Variants in ADARB2 observed in about 807,000 individuals in gnomAD.
ADARB2 encodes inactive double-stranded RNA-specific editase B2.
In ADARB2, 25 loss-of-function variants were observed where a neutral mutation model predicts 62.2. The ratio of observed to expected loss-of-function variants is 0.40; its 90% CI spans 0.29 to 0.56. ADARB2 has a LOEUF of 0.56. Ranked by LOEUF, ADARB2 falls within the 20% of genes least tolerant of loss-of-function variation. The probability of loss-of-function intolerance (pLI) is 0.43; values close to 1 mark genes in which losing one functional copy is unlikely to be tolerated. For missense variants in ADARB2, 1,071 were observed against 1,077.4 expected (o/e 0.99, Z 0.08); for synonymous variants, 572 against 500.8 (o/e 1.14, Z -1.90).
intron 1 of ADARB2, among the ~76,000 whole-genome samples, chr10:1,637,497 C>G (rs1333688483): frequency 6.6e-6 from 1 of 152,166 alleles, no homozygotes; most frequent in South Asian, 2.1e-4. Flanking sequence ...AATGATTACC[C>G]TCAATGCAGA....
Position 1,199,221 on chromosome 10 carries a change from C to G in ADARB2, c.1864+745G>C, listed in dbSNP as rs565365647. On this transcript the variant is annotated intron_variant, in intron 8 of 9. Coordinates refer to ENST00000381312, the MANE Select transcript of ADARB2 (RefSeq NM_018702.4). ...GCGGTGATTCGGAAACCCACCCCCCCGCTTCCCGCTGTTCCTGTGAAAGGC... is the reference window on the plus strand; with the variant it reads ...GCGGTGATTCGGAAACCCACCCCCCGGCTTCCCGCTGTTCCTGTGAAAGGC... 3.9e-5 allele frequency among the ~76,000 whole-genome samples: 6 copies of G among 152,220 alleles called. No individual in the cohort carries two copies. The South Asian group carries it at 6.2e-4, about 16-fold the overall frequency.
At chr10:1,221,308 C>T (rs912700887) in intron 6 of ADARB2, among the ~76,000 whole-genome samples, 1 of 152,074 alleles carries the variant, frequency 6.6e-6, no homozygotes, top group Non-Finnish European at 1.5e-5. Context: ...CTCTTCATTA[C>T]AGTGCTTATT....
At chr10:1,366,496 T>C (rs1832314785) in intron 2 of ADARB2, among the ~76,000 whole-genome samples, 1 of 152,136 alleles carries the variant, frequency 6.6e-6, no homozygotes, top group African/African-American at 2.4e-5. Context: ...GCTTGGCTCA[T>C]GCAGAACCTG....
intron 7 of ADARB2, among the ~76,000 whole-genome samples, chr10:1,212,782 CCCACCG>C (rs1837172644): frequency 2.6e-4 from 39 of 151,116 alleles, no homozygotes; most frequent in South Asian, 1.3e-3. Context: ...CTGAGTCCAC[CCCACCG>C]TGGCAGGCAC....
intron 1 of ADARB2, among the ~76,000 whole-genome samples, chr10:1,563,188 C>T (rs1161965148): frequency 6.6e-6 from 1 of 152,046 alleles, no homozygotes; most frequent in Non-Finnish European, 1.5e-5. Context: ...AGGGTGAGAA[C>T]GTGGTCCCTC....
intron 1 of ADARB2, among the ~76,000 whole-genome samples, chr10:1,638,942 G>A (rs1383481000): frequency 6.6e-6 from 1 of 152,244 alleles, no homozygotes; most frequent in Non-Finnish European, 1.5e-5. Context: ...AGGTGGAGAG[G>A]CTGCCTTGCC....
At chr10:1,469,899 C>A (rs1831299432) in intron 1 of ADARB2, among the ~76,000 whole-genome samples, 1 of 152,224 alleles carries the variant, frequency 6.6e-6, no homozygotes, top group Non-Finnish European at 1.5e-5. Flanking sequence ...ACAATCAGGT[C>A]TTGGAGACAA....
intron 5 of ADARB2, among the ~76,000 whole-genome samples, chr10:1,241,919 G>A (rs921557003): frequency 6.6e-6 from 1 of 152,230 alleles, no homozygotes; most frequent in African/African-American, 2.4e-5. Context: ...TAAGGAGGAA[G>A]CCTGGAATTT....
intron 2 of ADARB2, among the ~76,000 whole-genome samples, chr10:1,364,762 G>A (rs562789332): frequency 5.3e-5 from 8 of 152,166 alleles, no homozygotes; most frequent in African/African-American, 1.9e-4. Context: ...CCCAGGTATC[G>A]TGTTATTCAC....
At position 1,449,214 on chromosome 10, in the gene ADARB2, A is replaced by C. The variant is rs552636525; in HGVS notation, c.101-70054T>G. On this transcript the variant is annotated intron_variant, in intron 1 of 9. Coordinates refer to ENST00000381312, the MANE Select transcript of ADARB2 (RefSeq NM_018702.4). ...CCACATGCTATTATCAACAACTGTC[A>C]CTTTCCCACATTTGCCCAAGACTCT... Among the ~76,000 whole-genome samples the C allele has an allele frequency of 1.2e-3, 176 of 152,150 alleles. 1 individual carries two copies. The highest frequency in any genetic ancestry group is 1.8e-3 in the Non-Finnish European group (124 of 67,998).
At chr10:1,474,468 T>G (rs934687034) in intron 1 of ADARB2, among the ~76,000 whole-genome samples, 1 of 152,108 alleles carries the variant, frequency 6.6e-6, no homozygotes, top group African/African-American at 2.4e-5. Context: ...TTCTGCGGGC[T>G]AGGAGGAGGG....
rs541450907 is a variant in ADARB2 at position 1,480,470 on chromosome 10, G to A, written c.101-101310C>T. 4.6e-5 allele frequency among the ~76,000 whole-genome samples: 7 copies of A among 152,298 alleles called. No homozygotes were observed. In the East Asian group the frequency reaches 7.7e-4, roughly 17 times the overall value. ...TCCCAGCACTTTGGGAGGCCAAGGC[G>A]GGCGGGTCACTAGGTCAGGAGATTG... On this transcript the variant is annotated intron_variant, in intron 1 of 9. Coordinates refer to ENST00000381312, the MANE Select transcript of ADARB2 (RefSeq NM_018702.4).
chr10:1,206,545 G>A (rs111315234), intron 7 of ADARB2, among the ~76,000 whole-genome samples: 5,691 of 152,066 alleles, frequency 0.037, 351 homozygotes, highest in African/African-American at 0.13. Flanking sequence ...CCTCGTGCCT[G>A]TGCGGTCTGA....
chr10:1,701,857 G>T (rs113486452), intron 1 of ADARB2, among the ~76,000 whole-genome samples: 16,915 of 132,120 alleles, frequency 0.13, 1,028 homozygotes, highest in Non-Finnish European at 0.17. Context: ...ACCAGTACAC[G>T]CAATCCCACT....
chr10:1,500,464 T>G (rs549082970), intron 1 of ADARB2, among the ~76,000 whole-genome samples: 1 of 152,374 alleles, frequency 6.6e-6, no homozygotes, highest in East Asian at 1.9e-4. Context: ...ACAAAAACAG[T>G]GGCAATTCCC....
In ADARB2 at chr10:1,352,346, C is replaced by G. The variant is rs184340458; in HGVS notation, c.1077+10682G>C. ...GTTATATAAACTCACAAAAGGAAAC[C>G]TAGCTGACCCCGTAGATCCTAAATC... On this transcript the variant is annotated intron_variant, in intron 3 of 9. Coordinates refer to ENST00000381312, the MANE Select transcript of ADARB2 (RefSeq NM_018702.4). 4.6e-3 allele frequency among the ~76,000 whole-genome samples: 704 copies of G among 152,286 alleles called. 8 individuals are homozygous for G. The highest frequency in any genetic ancestry group is 0.016 in the African/African-American group (650 of 41,552).
At chr10:1,469,788 T>A (rs1831298318) in intron 1 of ADARB2, among the ~76,000 whole-genome samples, 1 of 152,210 alleles carries the variant, frequency 6.6e-6, no homozygotes, top group African/African-American at 2.4e-5. Flanking sequence ...CACAAAAGGA[T>A]GACAACTGCT....
chr10:1,663,237 T>C (rs1834271557), intron 1 of ADARB2, among the ~76,000 whole-genome samples: 2 of 152,234 alleles, frequency 1.3e-5, no homozygotes, highest in Non-Finnish European at 2.9e-5. Context: ...TGTCCTACTA[T>C]TAACATCTTG....
chr10:1,470,698 T>A lies in ADARB2; in HGVS notation c.101-91538A>T, dbSNP rs1433891934. On this transcript the variant is annotated intron_variant, in intron 1 of 9. Transcript: ENST00000381312. ...CATTAGATGTAAAAATAGATAAAAA[T>A]CTATGGCATCAATTTCCTGTAAGAA... Among the ~76,000 whole-genome samples the A allele has an allele frequency of 2.6e-5, 4 of 152,286 alleles. No homozygotes were observed. The East Asian group carries it at 7.7e-4, about 29-fold the overall frequency.
Sources: allele counts gnomAD v4.1 joint callset (sites outside exome capture counted in the v4.1 genomes callset), GRCh38; gene constraint gnomAD v4.1.1; transcripts MANE v1.5; gene names NCBI Gene and HGNC (gene_info 2026-07-23, HGNC 2026-07-21).